LYPLAL1: variants seen among roughly 807,000 people sequenced by gnomAD.
LYPLAL1 encodes the protein lysophospholipase like 1.
LYPLAL1 carries 23 observed loss-of-function variants against 19.7 expected under a neutral mutation model. That is an observed-to-expected ratio of 1.17 (90% CI 0.84 to 1.65). The LOEUF (loss-of-function observed/expected upper bound fraction) is 1.65, where lower values mean the gene tolerates loss of function less well. Ranked by LOEUF, LYPLAL1 falls within the 40% of genes most tolerant of loss-of-function variation. LYPLAL1 has a pLI of 0.00. For synonymous variants in LYPLAL1, 119 were observed against 96.3 expected, an observed-to-expected ratio of 1.24 and a Z score of -1.38; for missense variants, 355 against 279.4, an observed-to-expected ratio of 1.27 and a Z score of -1.93.
At chr1:219,342,641 A>C in the LYPLAL1 span, among the ~76,000 whole-genome samples, 1 of 152,220 alleles carries the variant, frequency 6.6e-6, no homozygotes, top group African/African-American at 2.4e-5. Context: ...GCATTTTCTG[A>C]ATTGCTTTAA....
chr1:219,234,732 A>G, the LYPLAL1 span, among the ~76,000 whole-genome samples: 2 of 152,172 alleles, frequency 1.3e-5, no homozygotes, highest in Non-Finnish European at 2.9e-5. Context: ...AATATCTTTT[A>G]TATAGGTCAT....
chr1:219,408,280 G>A, the LYPLAL1 span, among the ~76,000 whole-genome samples: 1 of 152,164 alleles, frequency 6.6e-6, no homozygotes, highest in Non-Finnish European at 1.5e-5. Flanking sequence ...ATTAACTACT[G>A]TATCTTAGAC....
chr1:219,220,342 A>G, the LYPLAL1 span, among the ~76,000 whole-genome samples: 2 of 152,062 alleles, frequency 1.3e-5, no homozygotes, highest in Admixed American at 1.3e-4. Flanking sequence ...TTAAGTTTAA[A>G]TATCCTGCCT....
the LYPLAL1 span, among the ~76,000 whole-genome samples, chr1:219,356,013 C>T: frequency 6.6e-6 from 1 of 152,030 alleles, no homozygotes; most frequent in Non-Finnish European, 1.5e-5. Context: ...AAATTCTTGA[C>T]AACTCTAACA....
chr1:219,283,036 A>G, the LYPLAL1 span, among the ~76,000 whole-genome samples: 1 of 152,126 alleles, frequency 6.6e-6, no homozygotes, highest in East Asian at 1.9e-4. Flanking sequence ...GTTTGAGTGA[A>G]TGGATTATTG....
the LYPLAL1 span, among the ~76,000 whole-genome samples, chr1:219,247,790 A>G: frequency 6.6e-6 from 1 of 152,216 alleles, no homozygotes; most frequent in East Asian, 1.9e-4. Flanking sequence ...TAAGGCAAAC[A>G]TCAAATGACC....
At chr1:219,391,229 T>C in the LYPLAL1 span, among the ~76,000 whole-genome samples, 1 of 152,196 alleles carries the variant, frequency 6.6e-6, no homozygotes, top group South Asian at 2.1e-4. Flanking sequence ...ATTGATCCTT[T>C]CTCCTCCATG....
the LYPLAL1 span, among the ~76,000 whole-genome samples, chr1:219,436,415 CT>C: frequency 7.2e-5 from 11 of 152,082 alleles, no homozygotes; most frequent in East Asian, 1.2e-3. Flanking sequence ...AAAGTTCATT[CT>C]TTTTTTTCTG....
At chr1:219,335,766 C>A in the LYPLAL1 span, among the ~76,000 whole-genome samples, 36 of 151,932 alleles carry the variant, frequency 2.4e-4, no homozygotes, top group African/African-American at 7.2e-4. Flanking sequence ...AATTGTGCTA[C>A]AACTGGATAC....
At chr1:219,375,294 C>A in the LYPLAL1 span, among the ~76,000 whole-genome samples, 1 of 151,966 alleles carries the variant, frequency 6.6e-6, no homozygotes, top group South Asian at 2.1e-4. Context: ...TGGAGAAACC[C>A]CGTCTCTACT....
chr1:219,302,569 G>A, the LYPLAL1 span, among the ~76,000 whole-genome samples: 2 of 152,090 alleles, frequency 1.3e-5, no homozygotes, highest in Non-Finnish European at 1.5e-5. Context: ...ATATCTCTCT[G>A]AGTCTCAATT....
At chr1:219,443,892 C>T in the LYPLAL1 span, among the ~76,000 whole-genome samples, 7 of 152,082 alleles carry the variant, frequency 4.6e-5, no homozygotes, top group Non-Finnish European at 4.4e-5. Context: ...GGAACCAGCC[C>T]CAGACAGGTC....
the LYPLAL1 span, among the ~76,000 whole-genome samples, chr1:219,306,849 T>TAGATAGATAGACAGACAGAC: frequency 0.055 from 7,458 of 135,106 alleles, 247 homozygotes; most frequent in Non-Finnish European, 0.074. Flanking sequence ...GATAGATAGA[T>TAGATAGATAGACAGACAGAC]AGACAGACAG....
chr1:219,371,639 C>T, the LYPLAL1 span, among the ~76,000 whole-genome samples: 3 of 152,200 alleles, frequency 2.0e-5, no homozygotes, highest in Admixed American at 6.5e-5. Context: ...TGCCAATCAC[C>T]GAGTTTTGAG....
At chr1:219,374,333 C>T in the LYPLAL1 span, among the ~76,000 whole-genome samples, 1 of 152,056 alleles carries the variant, frequency 6.6e-6, no homozygotes, top group African/African-American at 2.4e-5. Flanking sequence ...TTATATCAGC[C>T]GTGGGTGAGC....
At chr1:219,213,439 C>G (rs1167638736), downstream of LYPLAL1, among the ~76,000 whole-genome samples, 1 of 148,160 alleles carries the variant, frequency 6.7e-6, no homozygotes, top group Non-Finnish European at 1.5e-5. Context: ...TTGTCTGTAT[C>G]TACAAAAAAA....
chr1:219,392,262 G>A, the LYPLAL1 span, among the ~76,000 whole-genome samples: 4 of 152,156 alleles, frequency 2.6e-5, no homozygotes, highest in African/African-American at 9.7e-5. Context: ...CTTGATCCTC[G>A]ATGTGCAGGA....
chr1:219,269,917 G>A, the LYPLAL1 span, among the ~76,000 whole-genome samples: 1 of 152,134 alleles, frequency 6.6e-6, no homozygotes, highest in South Asian at 2.1e-4. Flanking sequence ...ATACCAAACT[G>A]CTATTTCCCA....
At chr1:219,327,426 T>G in the LYPLAL1 span, among the ~76,000 whole-genome samples, 1 of 151,996 alleles carries the variant, frequency 6.6e-6, no homozygotes, top group African/African-American at 2.4e-5. Flanking sequence ...GCAATTGAGG[T>G]CCTGAAGAAA....
Sources: allele counts gnomAD v4.1 joint callset (sites outside exome capture counted in the v4.1 genomes callset), GRCh38; gene constraint gnomAD v4.1.1; transcripts MANE v1.5; gene names NCBI Gene and HGNC (gene_info 2026-07-23, HGNC 2026-07-21).